Variants in NCKAP5 observed in about 807,000 individuals in gnomAD.
NCKAP5 encodes NCK associated protein 5, also known as nck-associated protein 5.
In NCKAP5, 92 loss-of-function variants were observed where a neutral mutation model predicts 167.0. The observed-to-expected ratio is 0.55, with a 90% CI of 0.47 to 0.66. NCKAP5 has a LOEUF of 0.66. Among genes scored for constraint, NCKAP5 ranks in the 30% least tolerant of loss-of-function variants. The pLI is 0.00. For synonymous variants in NCKAP5, 891 were observed against 877.4 expected (o/e 1.02, Z -0.27); for missense variants, 2,378 against 2,315.0 (o/e 1.03, Z -0.56).
intron 8 of NCKAP5, among the ~76,000 whole-genome samples, chr2:132,922,264 C>T (rs1695494399): frequency 6.6e-6 from 1 of 152,072 alleles, no homozygotes; most frequent in African/African-American, 2.4e-5. Context: ...AGCTCAGAGA[C>T]CAAGAAACTT....
chr2:133,337,831 A>G (rs1030287115), intron 3 of NCKAP5, among the ~76,000 whole-genome samples: 2 of 152,228 alleles, frequency 1.3e-5, no homozygotes, highest in Non-Finnish European at 2.9e-5. Flanking sequence ...TAGCAAACAA[A>G]TATGCTCATT....
rs184799914 is a variant in NCKAP5, at chr2:133,008,496, T to C, written c.342-14257A>G. The stretch of plus-strand genomic sequence containing the variant: ...TATCTATAAACATGGAAAAGCAGCC[T>C]GTACTTGCAAAAAACTTTATAACCT... On this transcript the variant is annotated intron_variant, in intron 6 of 19. Coordinates refer to ENST00000409261, the MANE Select transcript of NCKAP5 (RefSeq NM_207363.3). Among the ~76,000 whole-genome samples, 346 of 152,304 alleles carry C rather than the reference T, an allele frequency of 2.3e-3. 4 individuals carry two copies. Among genetic ancestry groups the C allele is most frequent in the African/African-American group, 7.9e-3 (330 of 41,578 alleles).
rs869253241 is a variant in NCKAP5 at position 133,178,504 on chromosome 2, C to CAAAAAAAA, written c.207+35204_207+35211dup. Among the ~76,000 whole-genome samples, 10 of 23,952 alleles carry CAAAAAAAA rather than the reference C, an allele frequency of 4.2e-4. 2 individuals are homozygous for CAAAAAAAA. Among genetic ancestry groups the CAAAAAAAA allele is most frequent in the African/African-American group, 2.4e-3 (9 of 3,760 alleles). The allele number at this position is 23,952 out of a possible 152,430, so 15.7% of individuals were successfully genotyped here. A position where few individuals can be genotyped will look rare whatever the true frequency, so the allele number is the denominator to read the frequency against. Reference sequence around the variant, plus strand: ...TGGGTGACACAATGAGACCCTGTCTCAAAAAAAAAAAAAAAAAAAAAAAAA... The same window carrying CAAAAAAAA: ...TGGGTGACACAATGAGACCCTGTCTCAAAAAAAAAAAAAAAAAAAAAAAAAAAAAAAAA... On this transcript the variant is annotated intron_variant, in intron 5 of 19. Transcript: ENST00000409261.
At chr2:133,633,013 G>A in the NCKAP5 span, among the ~76,000 whole-genome samples, 2 of 152,082 alleles carry the variant, frequency 1.3e-5, no homozygotes, top group Non-Finnish European at 2.9e-5. Flanking sequence ...TTTTCCTTTG[G>A]GGCACTCCTC....
At chr2:133,282,441 A>G (rs2089967193) in intron 4 of NCKAP5, among the ~76,000 whole-genome samples, 1 of 152,190 alleles carries the variant, frequency 6.6e-6, no homozygotes. Context: ...CTTATAAGTA[A>G]CATTGATCCA....
intron 10 of NCKAP5, among the ~76,000 whole-genome samples, chr2:132,867,481 T>C (rs1469638375): frequency 6.6e-6 from 1 of 152,158 alleles, no homozygotes; most frequent in Non-Finnish European, 1.5e-5. Flanking sequence ...GTTTGTTTGG[T>C]GTGGCTGTGT....
At chr2:133,187,530 T>C (rs1294455138) in intron 5 of NCKAP5, among the ~76,000 whole-genome samples, 4 of 152,034 alleles carry the variant, frequency 2.6e-5, no homozygotes, top group Non-Finnish European at 4.4e-5. Flanking sequence ...TATATAAGTA[T>C]ACAATAAATA....
chr2:132,848,642 T>G (rs1390177478), intron 11 of NCKAP5, among the ~76,000 whole-genome samples: 1 of 152,112 alleles, frequency 6.6e-6, no homozygotes, highest in Non-Finnish European at 1.5e-5. Flanking sequence ...AGTTAGCTAT[T>G]TGGGAGGGAA....
the NCKAP5 span, among the ~76,000 whole-genome samples, chr2:133,647,434 A>AAAGAAAGG: frequency 9.7e-3 from 893 of 91,782 alleles, 51 homozygotes; most frequent in Non-Finnish European, 0.012. Flanking sequence ...AGAAAGGAAG[A>AAAGAAAGG]AAGAAAGAAA....
chr2:133,657,248 G>A, the NCKAP5 span, among the ~76,000 whole-genome samples: 1 of 152,076 alleles, frequency 6.6e-6, no homozygotes, highest in East Asian at 1.9e-4. Context: ...CACCCATCTT[G>A]CCCATGCCCC....
intron 6 of NCKAP5, among the ~76,000 whole-genome samples, chr2:133,126,323 G>C (rs1174027936): frequency 6.6e-6 from 1 of 152,186 alleles, no homozygotes; most frequent in African/African-American, 2.4e-5. Flanking sequence ...CCCAGCCTGG[G>C]CCAGGCGTCA....
At chr2:132,920,040 T>C (rs1391342688) in intron 8 of NCKAP5, among the ~76,000 whole-genome samples, 1 of 152,218 alleles carries the variant, frequency 6.6e-6, no homozygotes, top group East Asian at 1.9e-4. Flanking sequence ...AAGTTCATGG[T>C]TCCTTGGCTA....
At chr2:133,086,407 G>A (rs1200843261) in intron 6 of NCKAP5, among the ~76,000 whole-genome samples, 2 of 152,168 alleles carry the variant, frequency 1.3e-5, no homozygotes, top group African/African-American at 2.4e-5. Flanking sequence ...GGAGAACGAG[G>A]TAGGAGGATC....
chr2:132,979,514 T>C (rs2077068347), intron 7 of NCKAP5, among the ~76,000 whole-genome samples: 1 of 152,092 alleles, frequency 6.6e-6, no homozygotes, highest in African/African-American at 2.4e-5. Context: ...GCTTCAAACA[T>C]TTCTGGGAAC....
At chr2:133,672,288 G>T in the NCKAP5 span, among the ~76,000 whole-genome samples, 1 of 152,196 alleles carries the variant, frequency 6.6e-6, no homozygotes, top group South Asian at 2.1e-4. Flanking sequence ...GGGACAAATG[G>T]CACACGATGA....
intron 3 of NCKAP5, among the ~76,000 whole-genome samples, chr2:133,449,273 G>A (rs1663404868): frequency 1.3e-5 from 2 of 152,144 alleles, no homozygotes; most frequent in Admixed American, 1.3e-4. Flanking sequence ...CTCATGTTAT[G>A]TATATTAGAA....
At chr2:133,410,338 C>T (rs1220087694) in intron 3 of NCKAP5, among the ~76,000 whole-genome samples, 1 of 152,174 alleles carries the variant, frequency 6.6e-6, no homozygotes, top group African/African-American at 2.4e-5. Flanking sequence ...CCCAAGAAGT[C>T]ATGTGTTATT....
At chr2:133,572,274 T>C (rs770830282), upstream of NCKAP5, among the ~76,000 whole-genome samples, 5 of 152,228 alleles carry the variant, frequency 3.3e-5, no homozygotes, top group Admixed American at 6.5e-5. Context: ...CCATTAATAC[T>C]CCTGGGTCTG....
the NCKAP5 span, among the ~76,000 whole-genome samples, chr2:133,629,227 C>A: frequency 6.6e-6 from 1 of 152,258 alleles, no homozygotes; most frequent in African/African-American, 2.4e-5. Context: ...AAAATTTTTG[C>A]AGTCTATCCA....
Sources: gnomAD v4.1 joint callset for allele counts (sites outside exome capture counted in the v4.1 genomes callset) on GRCh38, gnomAD v4.1.1 for gene constraint, MANE v1.5 for transcripts, NCBI Gene and HGNC (gene_info 2026-07-23, HGNC 2026-07-21) for gene names.